NONO: variants seen among roughly 807,000 people sequenced by gnomAD.
The protein encoded by NONO is non-POU domain-containing octamer-binding protein.
Under a neutral mutation model 40.2 loss-of-function variants are expected in NONO, and 6 were observed. That is an observed-to-expected ratio of 0.15 (90% confidence interval 0.08 to 0.29). The LOEUF (loss-of-function observed/expected upper bound fraction) is 0.29. NONO is among the 10% of genes least tolerant of loss of function. The pLI, the probability that NONO is intolerant of heterozygous loss-of-function variation, is 1.00. For synonymous variants in NONO, 89 were observed against 123.3 expected (o/e 0.72, Z 1.85); for missense variants, 133 against 397.8 (o/e 0.33, Z 5.66).
At chrX:71,283,833 C>T (rs1455412595) in intron 1 of NONO, 112 bp downstream of exon 1, 2 of 111,842 alleles carry the variant, frequency 1.8e-5, no homozygotes, top group Admixed American at 9.5e-5. Flanking sequence ...GATGGCGCTT[C>T]CGAGGCCCCT....
intron 4 of NONO, among the ~76,000 whole-genome samples, chrX:71,293,438 C>T (rs756585987): frequency 9.1e-6 from 1 of 109,300 alleles, no homozygotes; most frequent in African/African-American, 3.3e-5. Context: ...CAAAAATTAG[C>T]TGGACATGGT....
chrX:71,298,998 T>C (rs1317687384), intron 11 of NONO, among the ~76,000 whole-genome samples, 182 bp downstream of exon 11: 1 of 111,396 alleles, frequency 9.0e-6, no homozygotes, highest in African/African-American at 3.3e-5. Flanking sequence ...CTTGGCTCAC[T>C]GCAACCTCCA....
Position 71,283,664 on chromosome X carries a change from G to A in NONO, c.-124G>A, listed in dbSNP as rs1188070192. 9.0e-6 allele frequency: 1 copy of A among 111,419 alleles called. No homozygotes were observed. Among genetic ancestry groups the A allele is most frequent in the Non-Finnish European group, 1.9e-5 (1 of 52,980 alleles). 9.2% of individuals were successfully genotyped at this position (111,419 alleles called of 1,213,427 possible). Reference sequence around the variant, plus strand: ...CCGGCGGTCGCGCGCTCTTTTCTCGGGACGGGAGAGGCCGTGTAGCGTCGC... The same window carrying A: ...CCGGCGGTCGCGCGCTCTTTTCTCGAGACGGGAGAGGCCGTGTAGCGTCGC... On this transcript the variant is annotated 5_prime_UTR_variant, in exon 1 of 12. Transcript: ENST00000276079.
chrX:71,290,350 TTTTA>T (rs1240383666), intron 2 of NONO, among the ~76,000 whole-genome samples: 9 of 112,157 alleles, frequency 8.0e-5, no homozygotes, highest in African/African-American at 2.9e-4. Context: ...CACCCAGCCT[TTTTA>T]TTTATTTTTT....
intron 2 of NONO, among the ~76,000 whole-genome samples, chrX:71,289,989 G>A (rs1209737424): frequency 9.1e-6 from 1 of 110,452 alleles, no homozygotes; most frequent in Non-Finnish European, 1.9e-5. Context: ...GGCTTGTCTC[G>A]AACCCCTGAC....
intron 4 of NONO, 115 bp downstream of exon 4, chrX:71,292,087 C>A: frequency 2.0e-6 from 1 of 489,318 alleles, no homozygotes; most frequent in Non-Finnish European, 3.2e-6. Flanking sequence ...TCCTTGAAAG[C>A]TTGATGAAAC....
intron 2 of NONO, among the ~76,000 whole-genome samples, chrX:71,289,637 G>T (rs1368036429): frequency 6.8e-5 from 7 of 102,439 alleles, no homozygotes; most frequent in Non-Finnish European, 1.2e-4. Flanking sequence ...AGTCTTTCTT[G>T]GTTGCCCAGG....
At chrX:71,297,985 C>G in intron 9 of NONO, 47 bp downstream of exon 9, 1 of 872,920 alleles carries the variant, frequency 1.1e-6, no homozygotes, top group Middle Eastern at 2.8e-4. Context: ...TCCTGATAAA[C>G]TCACCATGAA....
intron 9 of NONO, chrX:71,298,217 A>G: frequency 2.3e-6 from 1 of 441,111 alleles, no homozygotes; most frequent in African/African-American, 2.4e-5. Context: ...GCAATTGTAC[A>G]AGTTGGAGCT....
chrX:71,297,685 TG>T, intron 8 of NONO, 150 bp from the exon 9 acceptor site: 1 of 504,548 alleles, frequency 2.0e-6, no homozygotes, highest in African/African-American at 2.4e-5. Context: ...GAGGTTTCTT[TG>T]GGGGTTGCCT....
At chrX:71,285,296 TTTAAC>T (rs1217623499) in intron 2 of NONO, among the ~76,000 whole-genome samples, 3 of 112,331 alleles carry the variant, frequency 2.7e-5, no homozygotes, top group Non-Finnish European at 5.6e-5. Context: ...TTTTGTATGT[TTTAAC>T]TTCCTGCTTT....
intron 2 of NONO, among the ~76,000 whole-genome samples, chrX:71,289,802 T>G (rs905069910): frequency 9.1e-6 from 1 of 109,749 alleles, no homozygotes. Flanking sequence ...AGACGGAGTC[T>G]CACTCTGTCA....
chrX:71,299,748 T>C (rs1289826046), intron 11 of NONO, among the ~76,000 whole-genome samples, 194 bp from the exon 12 acceptor site: 1 of 111,551 alleles, frequency 9.0e-6, no homozygotes, highest in Non-Finnish European at 1.9e-5. Context: ...CCTGAGTAGC[T>C]GGGATTACAG....
chrX:71,288,276 A>AT lies in NONO; in HGVS notation c.-9-2347dup, dbSNP rs1219810077. 1.3e-4 allele frequency among the ~76,000 whole-genome samples: 13 copies of AT among 102,666 alleles called. No homozygotes were observed. In the East Asian group the frequency reaches 3.4e-3, roughly 27 times the overall value. The allele number at this position is 102,666 out of a possible 115,157, so 89.2% of individuals were successfully genotyped here. ...TGCCTGTCTAATTTTTTTAATACATATTTTTTGTAGAGGTGGGGCTCACTA... is the reference window on the plus strand; with the variant it reads ...TGCCTGTCTAATTTTTTTAATACATATTTTTTTGTAGAGGTGGGGCTCACTA... On this transcript the variant is annotated intron_variant, in intron 2 of 11. Transcript: ENST00000276079.
intron 5 of NONO, among the ~76,000 whole-genome samples, chrX:71,295,563 C>T (rs911676290): frequency 1.1e-4 from 12 of 109,729 alleles, no homozygotes; most frequent in African/African-American, 3.7e-4. Context: ...GAGGCTGAGG[C>T]GGGTGAATCA....
intron 4 of NONO, chrX:71,292,829 T>C (rs766208282): frequency 2.7e-5 from 3 of 112,436 alleles, no homozygotes; most frequent in Non-Finnish European, 5.6e-5. Context: ...GGTATACGTC[T>C]GTAGTCTAAC....
chrX:71,298,926 CTTT>C, intron 11 of NONO, 110 bp downstream of exon 11: 1 of 426,794 alleles, frequency 2.3e-6, no homozygotes, highest in Admixed American at 4.3e-5. Flanking sequence ...AGATAGCAGT[CTTT>C]TTTTTTTTGG....
intron 9 of NONO, chrX:71,298,215 A>G (rs929242190): frequency 2.3e-6 from 1 of 441,708 alleles, no homozygotes; most frequent in Admixed American, 4.0e-5. Context: ...TTGCAATTGT[A>G]CAAGTTGGAG....
chrX:71,300,511 G>A lies in NONO; in HGVS notation c.*435G>A, dbSNP rs867789121. 3.9e-5 allele frequency: 8 copies of A among 206,238 alleles called. No homozygotes were observed. The highest frequency in any genetic ancestry group is 6.1e-5 in the Non-Finnish European group (7 of 115,317). 17.0% of individuals were successfully genotyped at this position (206,238 alleles called of 1,213,427 possible). On this transcript the variant is annotated 3_prime_UTR_variant, in exon 12 of 12. Transcript: ENST00000276079. ...GGCTCACTGCAATCTCTGCCTCCCG[G>A]GTTCAAGCTTGTCCAGGTTGATCTT...
Sources: allele counts gnomAD v4.1 joint callset (sites outside exome capture counted in the v4.1 genomes callset), GRCh38; gene constraint gnomAD v4.1.1; transcripts MANE v1.5; gene names NCBI Gene and HGNC (gene_info 2026-07-23, HGNC 2026-07-21).